The following SACS variants were observed in gnomAD, a reference collection of about 807,000 sequenced individuals.
SACS encodes the protein sacsin.
Under a neutral mutation model 348.0 loss-of-function variants are expected in SACS, and 197 were observed. The ratio of observed to expected loss-of-function variants is 0.57; its 90% CI spans 0.50 to 0.64. The LOEUF is 0.64. Among genes scored for constraint, SACS ranks in the 30% least tolerant of loss-of-function variants. The probability of loss-of-function intolerance (pLI) is 0.00; values close to 1 mark genes in which losing one functional copy is unlikely to be tolerated. For synonymous variants in SACS, 1,985 were observed against 1,910.6 expected (o/e 1.04, Z -1.02); for missense variants, 4,999 against 5,360.8 (o/e 0.93, Z 2.11).
At chr13:23,369,315 CAACT>C (rs1871243935) in intron 4 of SACS, among the ~76,000 whole-genome samples, 1 of 152,102 alleles carries the variant, frequency 6.6e-6, no homozygotes, top group South Asian at 2.1e-4. Flanking sequence ...ATTCTTAGAC[CAACT>C]GACCAGGTCA....
At chr13:23,394,297 C>A (rs1872633971) in intron 2 of SACS, among the ~76,000 whole-genome samples, 2 of 152,150 alleles carry the variant, frequency 1.3e-5, no homozygotes, top group Admixed American at 1.3e-4. Flanking sequence ...TAGCAAGACT[C>A]CCCTACCTTT....
intron 3 of SACS, among the ~76,000 whole-genome samples, chr13:23,374,530 C>T (rs1378527565): frequency 6.6e-6 from 1 of 152,112 alleles, no homozygotes; most frequent in African/African-American, 2.4e-5. Context: ...CTGAACTCTC[C>T]CTTTAAGAAA....
chr13:23,404,422 T>C (rs910540313), intron 2 of SACS, among the ~76,000 whole-genome samples: 3 of 152,166 alleles, frequency 2.0e-5, no homozygotes, highest in Non-Finnish European at 4.4e-5. Context: ...GGAATGTATC[T>C]CAAAATAATA....
rs766801298 is a variant in SACS at position 23,332,845 on chromosome 13, A to C, written c.11031T>G (p.Leu3677=). ...GTGCTCCATTGAACTTTATAAGAGG[A>C]AGTGTTCCATTTACCTCTTGATATT... ...HPQYQEVNGT[L]PLIKFNGAQV... The change falls in exon 10 of 10, where the codon CTT becomes CTG. Residue 3677 remains leucine (L), a synonymous_variant. Transcript: ENST00000382292. 3 of 1,613,776 alleles carry C rather than the reference A, an allele frequency of 1.9e-6. No homozygotes were observed. The South Asian group carries it at 3.3e-5, about 18-fold the overall frequency.
At position 23,375,219 on chromosome 13, in the gene SACS, G is replaced by A. The variant is rs1456262588; in HGVS notation, c.71C>T (p.Ala24Val). 6.7e-7 allele frequency: 1 copy of A among 1,499,162 alleles called. No individual in the cohort carries two copies. The highest frequency in any genetic ancestry group is 2.9e-5 in the East Asian group (1 of 34,066). The allele number at this position is 1,499,162 out of a possible 1,614,324, so 92.9% of individuals were successfully genotyped here. Residue 24 changes from alanine (A) to valine (V), a missense_variant, in exon 3 of 10, where the codon GCG (alanine) becomes GTG (valine). Ala to Val is a moderately conservative substitution (Grantham distance 64). Coordinates refer to ENST00000382292, the MANE Select transcript of SACS (RefSeq NM_014363.6). ...GCGCACGGTCCAGGACGCCAGCGCC[G>A]CGACGGTCCTGCAGCCCACGCAGCC... ...LPGCVGCRTV[A>V]ALASWTVRDV...
rs1883337186 is a variant in SACS at position 23,329,565 on chromosome 13, C to A, written c.*571G>T. On this transcript the variant is annotated 3_prime_UTR_variant, in exon 10 of 10. Coordinates refer to ENST00000382292, the MANE Select transcript of SACS (RefSeq NM_014363.6). ...TGCACTCTAAAAAGTACTACCTTCA[C>A]ACTCTTAGTCAAGTAATAGGATTAA... is the stretch of plus-strand genomic sequence containing the variant. 1.6e-6 allele frequency: 1 copy of A among 621,780 alleles called. No homozygotes were observed. The highest frequency in any genetic ancestry group is 2.9e-5 in the East Asian group (1 of 34,650). The allele number at this position is 621,780 out of a possible 1,614,324, so 38.5% of individuals were successfully genotyped here. A position where few individuals can be genotyped will look rare whatever the true frequency, so the allele number is the denominator to read the frequency against.
intron 1 of SACS, among the ~76,000 whole-genome samples, chr13:23,425,032 G>A (rs1230499720): frequency 5.9e-5 from 9 of 152,120 alleles, no homozygotes; most frequent in Non-Finnish European, 1.0e-4. Flanking sequence ...GGGCCTGGGC[G>A]TGAGCCTGGT....
At chr13:23,396,698 T>C (rs1347161698) in intron 2 of SACS, among the ~76,000 whole-genome samples, 1 of 152,148 alleles carries the variant, frequency 6.6e-6, no homozygotes, top group Admixed American at 6.5e-5. Context: ...CTTTTCACTG[T>C]TTTTCTTTAA....
At chr13:23,417,729 T>G (rs1446918082) in intron 1 of SACS, among the ~76,000 whole-genome samples, 1 of 152,076 alleles carries the variant, frequency 6.6e-6, no homozygotes, top group Admixed American at 6.6e-5. Flanking sequence ...AGAATTCCTT[T>G]AAAAACAAAT....
At chr13:23,410,607 T>C in intron 2 of SACS, among the ~76,000 whole-genome samples, 1 of 152,158 alleles carries the variant, frequency 6.6e-6, no homozygotes, top group South Asian at 2.1e-4. Flanking sequence ...TCAGAATTAA[T>C]GAAAGAGTAT....
chr13:23,343,266 A>C (rs1869387322), intron 9 of SACS, among the ~76,000 whole-genome samples: 1 of 152,222 alleles, frequency 6.6e-6, no homozygotes, highest in African/African-American at 2.4e-5. Flanking sequence ...GTAGGAACAA[A>C]ATGAAAAAAA....
chr13:23,381,743 A>C (rs533462504), intron 2 of SACS, among the ~76,000 whole-genome samples: 1 of 151,920 alleles, frequency 6.6e-6, no homozygotes, highest in Admixed American at 6.6e-5. Context: ...TATTTTTACT[A>C]TTTCTTGCTT....
At chr13:23,413,678 T>C (rs989397006) in intron 1 of SACS, among the ~76,000 whole-genome samples, 2 of 152,182 alleles carry the variant, frequency 1.3e-5, no homozygotes, top group African/African-American at 4.8e-5. Context: ...TGTAAATGCT[T>C]TTCTGAAAAC....
chr13:23,371,125 T>C lies in SACS; in HGVS notation c.212A>G (p.Asn71Ser), dbSNP rs1871362546. 6.2e-7 allele frequency: 1 copy of C among 1,611,316 alleles called. No homozygotes were observed. Among genetic ancestry groups the C allele is most frequent in the Non-Finnish European group, 8.5e-7 (1 of 1,178,068 alleles). Reference sequence around the variant, plus strand: ...TTGAAGGTTTACAAAAAGATGACAATTTTTGGAAGTCAGATCTCCAATCTT... The same window carrying C: ...TTGAAGGTTTACAAAAAGATGACAACTTTTGGAAGTCAGATCTCCAATCTT... ...WIKIGDLTSK[N>S]CHLFVNLQSK... The change falls in exon 4 of 10, where the codon AAT (asparagine) becomes AGT (serine). Residue 71 changes from asparagine to serine, a missense_variant. Physicochemically the swap from Asn to Ser is conservative, Grantham distance 46. Transcript: ENST00000382292.
At chr13:23,399,046 C>T (rs1872841438) in intron 2 of SACS, among the ~76,000 whole-genome samples, 1 of 86,588 alleles carries the variant, frequency 1.2e-5, no homozygotes, top group Non-Finnish European at 2.6e-5. Flanking sequence ...AACATGGATG[C>T]CTGGCTCTTA....
chr13:23,353,978 T>C, intron 8 of SACS, 102 bp from the exon 9 acceptor site: 2 of 760,602 alleles, frequency 2.6e-6, no homozygotes, highest in East Asian at 5.0e-5. Context: ...GACTATTTTA[T>C]TTTACATAAA....
intron 2 of SACS, among the ~76,000 whole-genome samples, chr13:23,410,796 G>A (rs1873449448): frequency 6.6e-6 from 1 of 152,010 alleles, no homozygotes; most frequent in South Asian, 2.1e-4. Flanking sequence ...ATTTATAAAG[G>A]GAAAAGTGGA....
At chr13:23,357,338 T>C (rs986910356) in intron 7 of SACS, among the ~76,000 whole-genome samples, 8 of 152,172 alleles carry the variant, frequency 5.3e-5, no homozygotes, top group African/African-American at 1.9e-4. Context: ...TATTTTAATA[T>C]ATAATTTAAT....
intron 9 of SACS, 172 bp downstream of exon 9, chr13:23,353,613 G>A (rs988109906): frequency 1.0e-5 from 6 of 578,032 alleles, no homozygotes; most frequent in East Asian, 2.9e-5. Flanking sequence ...CTTTTAGACA[G>A]CATCTCTTAG....
Sources: gnomAD v4.1 joint callset for allele counts (sites outside exome capture counted in the v4.1 genomes callset) on GRCh38, gnomAD v4.1.1 for gene constraint, MANE v1.5 for transcripts, NCBI Gene and HGNC (gene_info 2026-07-23, HGNC 2026-07-21) for gene names.